The following ACTR3C variants were observed in gnomAD, a reference collection of about 807,000 sequenced individuals.
The protein encoded by ACTR3C is actin related protein 3C, also known as actin-related protein 3C.
Under a neutral mutation model 26.3 loss-of-function variants are expected in ACTR3C, and 18 were observed. The ratio of observed to expected loss-of-function variants is 0.68; its 90% CI spans 0.47 to 1.01. The LOEUF is 1.01. Among genes scored for constraint, ACTR3C ranks in the 50% least tolerant of loss-of-function variants. ACTR3C has a pLI of 0.00. For missense variants in ACTR3C, 184 were observed against 250.7 expected, an observed-to-expected ratio of 0.73 and a Z score of 1.80; for synonymous variants, 55 against 94.5, an observed-to-expected ratio of 0.58 and a Z score of 2.42.
intron 6 of ACTR3C, among the ~76,000 whole-genome samples, chr7:150,259,225 A>T (rs1350570925): frequency 1.3e-5 from 2 of 151,978 alleles, no homozygotes; most frequent in Non-Finnish European, 2.9e-5. Context: ...ACACATACAA[A>T]AAGAAAGAAA....
chr7:149,901,006 C>T, the ACTR3C span, among the ~76,000 whole-genome samples: 1 of 152,192 alleles, frequency 6.6e-6, no homozygotes, highest in Admixed American at 6.5e-5. Context: ...GCACTCCAGC[C>T]TGGGCAACAA....
At chr7:149,960,983 GT>G in the ACTR3C span, among the ~76,000 whole-genome samples, 1 of 152,000 alleles carries the variant, frequency 6.6e-6, no homozygotes, top group African/African-American at 2.4e-5. Flanking sequence ...CTCATAGGAA[GT>G]GTACACTCAC....
At chr7:150,220,800 C>G in the ACTR3C span, among the ~76,000 whole-genome samples, 1 of 152,426 alleles carries the variant, frequency 6.6e-6, no homozygotes. Context: ...CACGGGTGCG[C>G]GCTCCGCTCC....
the ACTR3C span, chr7:149,890,640 TC>T: frequency 6.5e-6 from 1 of 152,934 alleles, no homozygotes; most frequent in Non-Finnish European, 1.5e-5. Flanking sequence ...CTTACCCTCC[TC>T]CAGGGTCCAG....
chr7:150,003,431 G>A, the ACTR3C span, among the ~76,000 whole-genome samples: 1 of 152,216 alleles, frequency 6.6e-6, no homozygotes, highest in African/African-American at 2.4e-5. Context: ...TGTGTTATGT[G>A]GTGTATGTGG....
the ACTR3C span, among the ~76,000 whole-genome samples, chr7:150,079,765 C>T: frequency 6.6e-6 from 1 of 152,144 alleles, no homozygotes; most frequent in East Asian, 1.9e-4. Context: ...AGGAGTCTTG[C>T]CCTTTTCCCA....
At chr7:150,181,457 C>T in the ACTR3C span, among the ~76,000 whole-genome samples, 9,770 of 150,550 alleles carry the variant, frequency 0.065, 996 homozygotes, top group African/African-American at 0.16. Flanking sequence ...CTTGGTAGCA[C>T]ACACACCAGT....
chr7:149,910,461 AAG>A, the ACTR3C span, among the ~76,000 whole-genome samples: 3 of 151,344 alleles, frequency 2.0e-5, no homozygotes, highest in Non-Finnish European at 4.4e-5. Context: ...CTAAATATAA[AAG>A]GGGGGGTGGT....
At chr7:150,163,674 T>C in the ACTR3C span, among the ~76,000 whole-genome samples, 1 of 152,032 alleles carries the variant, frequency 6.6e-6, no homozygotes, top group Non-Finnish European at 1.5e-5. Flanking sequence ...TAATTCAGTA[T>C]GAGTCCCAAG....
chr7:149,968,957 T>C, the ACTR3C span, among the ~76,000 whole-genome samples: 5 of 151,980 alleles, frequency 3.3e-5, no homozygotes, highest in Admixed American at 6.6e-5. Flanking sequence ...TCATTGCTAC[T>C]GTCAGTCCCA....
chr7:149,955,564 C>T, the ACTR3C span, among the ~76,000 whole-genome samples: 7 of 152,178 alleles, frequency 4.6e-5, no homozygotes, highest in East Asian at 1.9e-4. Context: ...GGAAAAGAGT[C>T]GTAAGGTGCA....
the ACTR3C span, among the ~76,000 whole-genome samples, chr7:150,131,810 A>G: frequency 6.6e-6 from 1 of 152,242 alleles, no homozygotes; most frequent in Non-Finnish European, 1.5e-5. Context: ...AAGAACCCCA[A>G]TGTCCACCAT....
chr7:149,907,272 C>G, the ACTR3C span, among the ~76,000 whole-genome samples: 4 of 105,740 alleles, frequency 3.8e-5, no homozygotes, highest in Non-Finnish European at 7.8e-5. Flanking sequence ...CACCTCACCT[C>G]CATGCCACGC....
At chr7:150,279,120 G>C (rs374402798) in intron 6 of ACTR3C, among the ~76,000 whole-genome samples, 2 of 152,156 alleles carry the variant, frequency 1.3e-5, no homozygotes, top group Non-Finnish European at 2.9e-5. Flanking sequence ...CTGGGCAAGA[G>C]AGCAAGACCT....
chr7:150,130,338 A>G, the ACTR3C span, among the ~76,000 whole-genome samples: 1 of 152,212 alleles, frequency 6.6e-6, no homozygotes, highest in African/African-American at 2.4e-5. Context: ...GTGAAAATTA[A>G]AAGACTCAGC....
chr7:150,234,371 G>T, the ACTR3C span, among the ~76,000 whole-genome samples: 1 of 152,074 alleles, frequency 6.6e-6, no homozygotes, highest in Non-Finnish European at 1.5e-5. Flanking sequence ...CTCACTGGAG[G>T]GTAGGTCTTT....
chr7:150,080,397 C>G, the ACTR3C span, among the ~76,000 whole-genome samples: 1 of 151,402 alleles, frequency 6.6e-6, no homozygotes, highest in African/African-American at 2.4e-5. Flanking sequence ...CAGAGATGCT[C>G]TATCACGCTT....
the ACTR3C span, among the ~76,000 whole-genome samples, chr7:149,928,971 A>G: frequency 1.3e-5 from 2 of 152,354 alleles, no homozygotes; most frequent in East Asian, 3.9e-4. Context: ...ATAATGGATT[A>G]TCATTCTTTG....
At chr7:149,961,276 T>C in the ACTR3C span, among the ~76,000 whole-genome samples, 1 of 149,728 alleles carries the variant, frequency 6.7e-6, no homozygotes, top group South Asian at 2.1e-4. Context: ...AGGAAGTGTA[T>C]ATCATAGTAA....
Sources: allele counts gnomAD v4.1 joint callset (sites outside exome capture counted in the v4.1 genomes callset), GRCh38; gene constraint gnomAD v4.1.1; transcripts MANE v1.5; gene names NCBI Gene and HGNC (gene_info 2026-07-23, HGNC 2026-07-21).